Variants in MAP9 observed in about 807,000 individuals in gnomAD.
MAP9 encodes the protein microtubule-associated protein 9.
In MAP9, 80 loss-of-function variants were observed where a neutral mutation model predicts 75.2. The ratio of observed to expected loss-of-function variants is 1.06; its 90% confidence interval spans 0.89 to 1.28. The LOEUF (loss-of-function observed/expected upper bound fraction) is 1.28. Ranked by LOEUF, MAP9 falls within the 50% of genes most tolerant of loss-of-function variation. MAP9 has a pLI of 0.00. For synonymous variants in MAP9, 235 were observed against 237.3 expected, an observed-to-expected ratio of 0.99 and a Z score of 0.09; for missense variants, 753 against 719.9, an observed-to-expected ratio of 1.05 and a Z score of -0.53.
intron 4 of MAP9, among the ~76,000 whole-genome samples, chr4:155,371,279 C>T (rs1424047497): frequency 1.3e-5 from 2 of 151,552 alleles, no homozygotes; most frequent in African/African-American, 4.8e-5. Flanking sequence ...AGTTCCAAAC[C>T]TGTACAGAAA....
In MAP9 at chr4:155,374,919, T is replaced by C; in HGVS notation, c.160+18A>G. On this transcript the variant is annotated intron_variant, in intron 3 of 13. Coordinates refer to ENST00000311277, the MANE Select transcript of MAP9 (RefSeq NM_001039580.2). Reference sequence around the variant, plus strand: ...CAAAAAGAAGAAAAGTGGTTCACGTTTCCATACTGTCACATACCAATCTCA... The same window carrying C: ...CAAAAAGAAGAAAAGTGGTTCACGTCTCCATACTGTCACATACCAATCTCA... The C allele has an allele frequency of 6.7e-7, 1 of 1,502,540 alleles. No homozygotes were observed. Among genetic ancestry groups the C allele is most frequent in the South Asian group, 1.3e-5 (1 of 77,782 alleles). The allele number at this position is 1,502,540 out of a possible 1,614,324, so 93.1% of individuals were successfully genotyped here.
At position 155,355,281 on chromosome 4, in the gene MAP9, C is replaced by A. The variant is rs2341893; in HGVS notation, c.1291-121G>T. ...ATTTTCTAAAGTATACTATTCTACT[C>A]TAAAAAAGACAAAAAAAGACTTTTA... On this transcript the variant is annotated intron_variant, in intron 9 of 13. Coordinates refer to ENST00000311277, the MANE Select transcript of MAP9 (RefSeq NM_001039580.2). 1 of 375,042 alleles carries A rather than the reference C, an allele frequency of 2.7e-6. No individual in the cohort carries two copies. Among genetic ancestry groups the A allele is most frequent in the Non-Finnish European group, 4.7e-6 (1 of 212,192 alleles). The allele number at this position is 375,042 out of a possible 1,614,324, so 23.2% of individuals were successfully genotyped here.
At chr4:155,373,510 GT>G (rs1732699472) in intron 3 of MAP9, 54 bp from the exon 4 acceptor site, 1 of 1,222,076 alleles carries the variant, frequency 8.2e-7, no homozygotes, top group Non-Finnish European at 1.1e-6. Flanking sequence ...AATTGTCAAG[GT>G]TACGTTAACT....
chr4:155,357,310 T>C, intron 8 of MAP9, 139 bp downstream of exon 8: 1 of 655,152 alleles, frequency 1.5e-6, no homozygotes, highest in Non-Finnish European at 2.7e-6. Flanking sequence ...ATCATGAAGT[T>C]AACTACTTTC....
intron 5 of MAP9, among the ~76,000 whole-genome samples, chr4:155,363,559 G>T (rs1367291264): frequency 6.6e-6 from 1 of 151,700 alleles, no homozygotes; most frequent in Non-Finnish European, 1.5e-5. Flanking sequence ...AAAAGATGGG[G>T]GATTTTATAT....
intron 8 of MAP9, chr4:155,357,011 T>C (rs1731821681): frequency 6.0e-6 from 1 of 165,380 alleles, no homozygotes; most frequent in Non-Finnish European, 1.3e-5. Flanking sequence ...TTTCTCATGT[T>C]AGACAATGAT....
chr4:155,362,397 CTATT>C, intron 5 of MAP9: 1 of 309,396 alleles, frequency 3.2e-6, no homozygotes, highest in South Asian at 1.1e-4. Context: ...CACCACCTCT[CTATT>C]TATTTTTTAC....
At chr4:155,361,364 G>A (rs1490413877) in intron 6 of MAP9, 1 of 151,954 alleles carries the variant, frequency 6.6e-6, no homozygotes, top group Admixed American at 6.6e-5. Flanking sequence ...TTTCTCATCT[G>A]TAAAATGACA....
chr4:155,352,592 C>T lies in MAP9; in HGVS notation c.1821+4G>A. 1.9e-6 allele frequency: 3 copies of T among 1,562,808 alleles called. No homozygotes were observed. The highest frequency in any genetic ancestry group is 2.6e-6 in the Non-Finnish European group (3 of 1,152,834). On this transcript the variant is annotated splice_donor_region_variant and intron_variant, in intron 13 of 13. Coordinates refer to ENST00000311277, the MANE Select transcript of MAP9 (RefSeq NM_001039580.2). ...ACGAAAGTGCATTGACAAATAATAC[C>T]TACCAGCCATTTTTCATATTCATTA...
chr4:155,357,186 G>A (rs553307823), intron 8 of MAP9: 92 of 362,358 alleles, frequency 2.5e-4, no homozygotes, highest in African/African-American at 1.4e-3. Context: ...TTCCTAGGAC[G>A]ATCCTGGAGA....
Position 155,374,941 on chromosome 4 carries a change from C to T in MAP9, c.156G>A (p.Glu52=). 2 of 1,577,834 alleles carry T rather than the reference C, an allele frequency of 1.3e-6. No homozygotes were observed. The highest frequency in any genetic ancestry group is 1.1e-5 in the South Asian group (1 of 87,942). The part of the protein sequence containing the change: ...SEYSDDFDSD[E]IVSLGDFSDT... ...CGTTTCCATACTGTCACATACCAAT[C>T]TCATCACTGTCAAAGTCATCTGAGT... Residue 52 remains glutamate, a synonymous_variant, in exon 3 of 14, where the codon GAG becomes GAA. Coordinates refer to ENST00000311277, the MANE Select transcript of MAP9 (RefSeq NM_001039580.2).
chr4:155,348,056 C>T (rs13108578), intron 13 of MAP9, 151 bp from the exon 14 acceptor site: 115,273 of 567,378 alleles, frequency 0.2, 13,580 homozygotes, highest in South Asian at 0.28. Flanking sequence ...ACAGGTAGGG[C>T]CAGGCATGGT....
chr4:155,359,004 AAT>A (rs1464113785), intron 7 of MAP9, among the ~76,000 whole-genome samples: 1 of 152,076 alleles, frequency 6.6e-6, no homozygotes, highest in Non-Finnish European at 1.5e-5. Flanking sequence ...CTTTATGGAA[AAT>A]AGTTTGGGGA....
At chr4:155,358,394 G>GCT (rs1731900789) in intron 7 of MAP9, among the ~76,000 whole-genome samples, 2 of 152,106 alleles carry the variant, frequency 1.3e-5, no homozygotes, top group Admixed American at 1.3e-4. Flanking sequence ...AAAGAAATTA[G>GCT]CTAAGGATGA....
intron 8 of MAP9, 98 bp downstream of exon 8, chr4:155,357,351 C>T (rs762885020): frequency 1.2e-6 from 1 of 803,592 alleles, no homozygotes; most frequent in South Asian, 1.4e-5. Context: ...AAAGAAAATA[C>T]AGTAACACCA....
In MAP9 at chr4:155,347,942, T is replaced by C. The variant is rs754313126; in HGVS notation, c.1822-37A>G. ...ATAGAACACTATAAATTTATGTACA[T>C]ATATGATTATTATTTTCAAATCAGG... On this transcript the variant is annotated intron_variant, in intron 13 of 13. Coordinates refer to ENST00000311277, the MANE Select transcript of MAP9 (RefSeq NM_001039580.2). 5 of 1,234,772 alleles carry C rather than the reference T, an allele frequency of 4.0e-6. 1 individual carries two copies. The highest frequency in any genetic ancestry group is 2.8e-5 in the South Asian group (2 of 71,790). 76.5% of individuals were successfully genotyped at this position (1,234,772 alleles called of 1,614,324 possible).
chr4:155,371,139 A>AGCAACT (rs1732573702), intron 4 of MAP9, among the ~76,000 whole-genome samples: 1 of 152,230 alleles, frequency 6.6e-6, no homozygotes, highest in Admixed American at 6.5e-5. Flanking sequence ...TCACTTCAGT[A>AGCAACT]GTGACTATAA....
chr4:155,348,851 G>A (rs982515471), intron 13 of MAP9, among the ~76,000 whole-genome samples: 23 of 152,058 alleles, frequency 1.5e-4, no homozygotes, highest in Admixed American at 1.3e-3. Flanking sequence ...TGTATACAAT[G>A]TAGATGGAAA....
Position 155,368,683 on chromosome 4 carries a change from T to G in MAP9, c.611A>C (p.Glu204Ala), listed in dbSNP as rs1454524847. The stretch of plus-strand genomic sequence containing the variant: ...AGAAGGTGCAGAATGTAACTCCAAT[T>G]CTTCACTGAGGGCAGTTTCTTTATC... ...LEDKETALSE[E>A]LELHSAPSSL... is the part of the protein sequence containing the mutation. The change falls in exon 5 of 14, where the codon GAA becomes GCA. Residue 204 changes from glutamate (E) to alanine (A), a missense_variant. By Grantham distance (107) the Glu-to-Ala change is moderately radical. Transcript: ENST00000311277. 1.2e-6 allele frequency: 2 copies of G among 1,614,176 alleles called. No individual in the cohort carries two copies. Among genetic ancestry groups the G allele is most frequent in the Non-Finnish European group, 1.7e-6 (2 of 1,180,016 alleles).
Sources: allele counts gnomAD v4.1 joint callset (sites outside exome capture counted in the v4.1 genomes callset), GRCh38; gene constraint gnomAD v4.1.1; transcripts MANE v1.5; gene names NCBI Gene and HGNC (gene_info 2026-07-23, HGNC 2026-07-21).